The following CUL5 variants were observed in gnomAD, a reference collection of about 807,000 sequenced individuals.
CUL5 encodes cullin 5.
In CUL5, 26 loss-of-function variants were observed where a neutral mutation model predicts 108.8. That is an observed-to-expected ratio of 0.24 (90% CI 0.18 to 0.33). CUL5 has a LOEUF of 0.33. Ranked by LOEUF, CUL5 falls within the 10% of genes least tolerant of loss-of-function variation. CUL5 has a pLI of 1.00. For synonymous variants in CUL5, 334 were observed against 298.0 expected (o/e 1.12, Z -1.25); for missense variants, 524 against 909.2 (o/e 0.58, Z 5.45).
chr11:108,026,270 C>T (rs994315643), intron 1 of CUL5, among the ~76,000 whole-genome samples: 2 of 152,100 alleles, frequency 1.3e-5, no homozygotes, highest in Admixed American at 6.6e-5. Context: ...AAGACACAAC[C>T]GTGCTATTTG....
chr11:108,048,648 C>CTTTTTTTTTTTTTTTTAT (rs1863126727), intron 3 of CUL5, among the ~76,000 whole-genome samples: 1 of 116,870 alleles, frequency 8.6e-6, no homozygotes, highest in Non-Finnish European at 1.7e-5. Flanking sequence ...ACTCCACCAC[C>CTTTTTTTTTTTTTTTTAT]TTTTTTTTTT....
At chr11:108,018,060 A>G (rs1862245846) in intron 1 of CUL5, among the ~76,000 whole-genome samples, 1 of 152,162 alleles carries the variant, frequency 6.6e-6, no homozygotes, top group Non-Finnish European at 1.5e-5. Flanking sequence ...ATAGCCAATC[A>G]GAGTGTCTCT....
At chr11:108,026,945 C>T (rs1386050631) in intron 1 of CUL5, among the ~76,000 whole-genome samples, 10 of 146,178 alleles carry the variant, frequency 6.8e-5, no homozygotes, top group African/African-American at 1.5e-4. Flanking sequence ...GCAGAGATCA[C>T]GCCACTGCAC....
In CUL5 at chr11:108,073,486, G is replaced by T; in HGVS notation, c.1102G>T (p.Ala368Ser). The T allele has an allele frequency of 6.5e-7, 1 of 1,546,852 alleles. No homozygotes were observed. The highest frequency in any genetic ancestry group is 8.9e-7 in the Non-Finnish European group (1 of 1,128,364). Residue 368 changes from alanine (A) to serine (S), a missense_variant, in exon 10 of 19, where the codon GCA (alanine) becomes TCA (serine). Ala to Ser is a moderately conservative substitution (Grantham distance 99). This residue lies in a region of CUL5 where 76 missense variants were observed against 168.3 expected (regional missense o/e 0.45). Transcript: ENST00000393094. ...TCAAGATGATCCACGATTTCTTACT[G>T]CAAGAGATAAGGTATATATTCCTAT... is the stretch of plus-strand genomic sequence containing the variant. ...AFQDDPRFLT[A>S]RDKAYKAVVN...
At chr11:108,092,998 G>A (rs539228275) in intron 13 of CUL5, among the ~76,000 whole-genome samples, 19 of 151,956 alleles carry the variant, frequency 1.3e-4, no homozygotes, top group African/African-American at 4.3e-4. Context: ...TGTATTTTTA[G>A]CAGAGATGGG....
At chr11:108,073,561 T>C in intron 10 of CUL5, 64 bp downstream of exon 10, 1 of 690,104 alleles carries the variant, frequency 1.4e-6, no homozygotes, top group East Asian at 3.1e-5. Context: ...TTACTTCTAA[T>C]AATCAATTTG....
intron 4 of CUL5, 77 bp from the exon 5 acceptor site, chr11:108,052,583 C>A: frequency 7.3e-7 from 1 of 1,364,734 alleles, no homozygotes; most frequent in Non-Finnish European, 1.0e-6. Context: ...ATTTGATTTC[C>A]TTTTTTGGTG....
chr11:108,036,012 C>A (rs558613780), intron 2 of CUL5, among the ~76,000 whole-genome samples: 1 of 152,152 alleles, frequency 6.6e-6, no homozygotes, highest in Non-Finnish European at 1.5e-5. Context: ...TGTCCTAAGT[C>A]CTTTTTACCT....
rs1339584403 is a variant in CUL5 at position 108,107,488 on chromosome 11, A to G, written c.*3104A>G. ...CCAAGGTCATGTTTGTGAAATAAACATTACATGAGAGCTTTCCTGTCATCT... is the reference window on the plus strand; with the variant it reads ...CCAAGGTCATGTTTGTGAAATAAACGTTACATGAGAGCTTTCCTGTCATCT... On this transcript the variant is annotated 3_prime_UTR_variant, in exon 19 of 19. Transcript: ENST00000393094. The G allele has an allele frequency of 2.0e-5, 3 of 152,210 alleles. No homozygotes were observed. The highest frequency in any genetic ancestry group is 7.3e-5 in the African/African-American group (3 of 41,300). The allele number at this position is 152,210 out of a possible 1,614,324, so 9.4% of individuals were successfully genotyped here. A position where few individuals can be genotyped will look rare whatever the true frequency, so the allele number is the denominator to read the frequency against.
chr11:108,049,590 G>A (rs182161829), intron 3 of CUL5, among the ~76,000 whole-genome samples: 325 of 152,026 alleles, frequency 2.1e-3, no homozygotes, highest in African/African-American at 7.3e-3. Context: ...CAATCCTCCC[G>A]CCTCAGCCTC....
At chr11:108,013,561 GGTC>G (rs749831018) in intron 1 of CUL5, among the ~76,000 whole-genome samples, 126 of 152,196 alleles carry the variant, frequency 8.3e-4, no homozygotes, top group African/African-American at 1.8e-3. Context: ...GCATGCCAGA[GGTC>G]GTCATCTCCC....
intron 1 of CUL5, among the ~76,000 whole-genome samples, chr11:108,023,762 T>C (rs970163808): frequency 5.3e-5 from 8 of 152,228 alleles, no homozygotes; most frequent in African/African-American, 1.9e-4. Context: ...TCTTGCTTTT[T>C]CCTTAAAATT....
chr11:108,019,002 T>C (rs1862268108), intron 1 of CUL5, among the ~76,000 whole-genome samples: 1 of 152,148 alleles, frequency 6.6e-6, no homozygotes, highest in Non-Finnish European at 1.5e-5. Context: ...GTATTGAATA[T>C]GTACAGACCT....
intron 8 of CUL5, 117 bp from the exon 9 acceptor site, chr11:108,072,215 A>C (rs998032463): frequency 2.5e-6 from 2 of 788,366 alleles, no homozygotes; most frequent in Admixed American, 6.9e-5. Flanking sequence ...ACGAACAACT[A>C]CTCCTAATGG....
At chr11:108,077,496 G>A (rs1421028555) in intron 10 of CUL5, among the ~76,000 whole-genome samples, 2 of 152,078 alleles carry the variant, frequency 1.3e-5, no homozygotes, top group African/African-American at 4.8e-5. Flanking sequence ...CAGGCACGGT[G>A]GTGCGCACCT....
At chr11:108,088,731 T>C (rs1864282672) in intron 12 of CUL5, 72 bp downstream of exon 12, 4 of 1,147,382 alleles carry the variant, frequency 3.5e-6, no homozygotes, top group African/African-American at 1.6e-5. Flanking sequence ...TATAGGACTT[T>C]CTGTGATAGT....
chr11:108,032,771 G>C (rs1430626464), intron 1 of CUL5, among the ~76,000 whole-genome samples: 1 of 151,852 alleles, frequency 6.6e-6, no homozygotes, highest in African/African-American at 2.4e-5. Context: ...GATTGGCCTG[G>C]AGTTTCCATT....
intron 13 of CUL5, among the ~76,000 whole-genome samples, chr11:108,090,138 C>G (rs1421704022): frequency 1.3e-5 from 2 of 152,022 alleles, no homozygotes; most frequent in Non-Finnish European, 2.9e-5. Flanking sequence ...TGAGTTGTTT[C>G]TACTGTTTCA....
At chr11:108,013,567 C>T (rs2135032398) in intron 1 of CUL5, among the ~76,000 whole-genome samples, 1 of 152,302 alleles carries the variant, frequency 6.6e-6, no homozygotes, top group Non-Finnish European at 1.5e-5. Flanking sequence ...CAGAGGTCGT[C>T]ATCTCCCTAA....
Sources: allele counts gnomAD v4.1 joint callset (sites outside exome capture counted in the v4.1 genomes callset), GRCh38; gene constraint gnomAD v4.1.1; regional missense constraint gnomAD v4.1.1; transcripts MANE v1.5; gene names NCBI Gene and HGNC (gene_info 2026-07-23, HGNC 2026-07-21).